The following RNF216 variants were observed in gnomAD, a reference collection of about 807,000 sequenced individuals.
RNF216 encodes ring finger protein 216.
In RNF216, 72 loss-of-function variants were observed where a neutral mutation model predicts 110.8. The ratio of observed to expected loss-of-function variants is 0.65; its 90% confidence interval spans 0.54 to 0.79. The LOEUF (loss-of-function observed/expected upper bound fraction) is 0.79. Among genes scored for constraint, RNF216 ranks in the 30% least tolerant of loss-of-function variants. The probability of loss-of-function intolerance (pLI) is 0.00; values close to 1 mark genes in which losing one functional copy is unlikely to be tolerated. For synonymous variants in RNF216, 495 were observed against 407.5 expected (o/e 1.21, Z -2.59); for missense variants, 1,342 against 1,141.2 (o/e 1.18, Z -2.54).
At chr7:5,737,946 G>C (rs1794523005) in intron 5 of RNF216, among the ~76,000 whole-genome samples, 1 of 151,908 alleles carries the variant, frequency 6.6e-6, no homozygotes, top group Admixed American at 6.6e-5. Flanking sequence ...AAATTAGCCG[G>C]ACAGGGTGGA....
intron 1 of RNF216, among the ~76,000 whole-genome samples, chr7:5,770,316 C>A (rs1409454041): frequency 6.6e-6 from 1 of 151,954 alleles, no homozygotes; most frequent in African/African-American, 2.4e-5. Flanking sequence ...ACAAAATTCA[C>A]CAGGCGTGGT....
At chr7:5,721,500 T>G (rs901545604) in intron 8 of RNF216, among the ~76,000 whole-genome samples, 1 of 152,246 alleles carries the variant, frequency 6.6e-6, no homozygotes, top group African/African-American at 2.4e-5. Flanking sequence ...TGTTTTGGGT[T>G]AATCTGAATA....
chr7:5,766,907 T>A (rs1337088877), intron 1 of RNF216: 1 of 152,246 alleles, frequency 6.6e-6, no homozygotes, highest in Non-Finnish European at 1.5e-5. Flanking sequence ...GATAGCTGTA[T>A]AATGATAATG....
intron 13 of RNF216, among the ~76,000 whole-genome samples, chr7:5,689,843 G>A (rs971395989): frequency 2.0e-5 from 3 of 151,976 alleles, no homozygotes; most frequent in Admixed American, 2.0e-4. Context: ...GGGAGGCTGA[G>A]GCAGGAGAAT....
At chr7:5,677,304 G>A (rs1196014588) in intron 13 of RNF216, among the ~76,000 whole-genome samples, 1 of 152,202 alleles carries the variant, frequency 6.6e-6, no homozygotes, top group African/African-American at 2.4e-5. Flanking sequence ...TACTGTATGG[G>A]TGGTCTGGGC....
chr7:5,658,600 T>G (rs1788894449), intron 13 of RNF216, among the ~76,000 whole-genome samples: 1 of 143,868 alleles, frequency 7.0e-6, no homozygotes, highest in African/African-American at 2.6e-5. Context: ...GAGGTTGCAG[T>G]GAGCTATGAT....
intron 1 of RNF216, among the ~76,000 whole-genome samples, chr7:5,771,679 C>A (rs575447335): frequency 6.6e-6 from 1 of 152,158 alleles, no homozygotes; most frequent in African/African-American, 2.4e-5. Context: ...GGCACCTAGT[C>A]CCAGCTACTC....
intron 13 of RNF216, among the ~76,000 whole-genome samples, chr7:5,675,486 A>T (rs546775524): frequency 6.7e-5 from 8 of 118,996 alleles, no homozygotes; most frequent in East Asian, 4.5e-4. Context: ...AAATAAATTT[A>T]AAAAAATTAG....
At chr7:5,672,855 C>T (rs1790009733) in intron 13 of RNF216, among the ~76,000 whole-genome samples, 1 of 152,102 alleles carries the variant, frequency 6.6e-6, no homozygotes, top group Admixed American at 6.5e-5. Context: ...CACAGGGACA[C>T]AGGCAGCACA....
At position 5,729,571 on chromosome 7, in the gene RNF216, T is replaced by C. The variant is rs1434111171; in HGVS notation, c.1250A>G (p.Tyr417Cys). The change falls in exon 7 of 17, where the codon TAT becomes TGT. Residue 417 changes from tyrosine (Y) to cysteine (C), a missense_variant. By Grantham distance (194) the Tyr-to-Cys change is radical. Coordinates refer to ENST00000389902, the MANE Select transcript of RNF216 (RefSeq NM_207111.4). ...TKLPKIDFFD[Y>C]SKLTPLDQRC... The stretch of plus-strand genomic sequence containing the variant: ...CTGGTCAAGAGGGGTCAATTTAGAA[T>C]AGTCAAAAAAGTCTATTTTAGGCAA... The C allele has an allele frequency of 1.9e-6, 3 of 1,614,048 alleles. No homozygotes were observed. The highest frequency in any genetic ancestry group is 2.5e-6 in the Non-Finnish European group (3 of 1,179,980).
chr7:5,646,729 T>G (rs1788073058), intron 14 of RNF216, among the ~76,000 whole-genome samples: 1 of 151,974 alleles, frequency 6.6e-6, no homozygotes. Context: ...GTAAAGACTA[T>G]TCCTTGTTAT....
intron 13 of RNF216, among the ~76,000 whole-genome samples, chr7:5,658,483 C>T (rs1373447200): frequency 1.3e-5 from 2 of 151,332 alleles, no homozygotes; most frequent in Non-Finnish European, 2.9e-5. Flanking sequence ...ATAGTGAGAC[C>T]CCATCTCTAC....
chr7:5,666,360 GT>G (rs1454439882), intron 13 of RNF216, among the ~76,000 whole-genome samples: 2 of 152,104 alleles, frequency 1.3e-5, no homozygotes, highest in African/African-American at 4.8e-5. Context: ...TAAACTGGTG[GT>G]CAGGGAAGGC....
intron 2 of RNF216, among the ~76,000 whole-genome samples, chr7:5,755,087 AAGG>A (rs1206588263): frequency 6.7e-6 from 1 of 149,672 alleles, no homozygotes. Flanking sequence ...AAAGGAAGGA[AAGG>A]AGAAGAGAGG....
At chr7:5,687,356 A>G (rs1791050683) in intron 13 of RNF216, among the ~76,000 whole-genome samples, 1 of 146,008 alleles carries the variant, frequency 6.8e-6, no homozygotes, top group Non-Finnish European at 1.5e-5. Flanking sequence ...AGACTGCGTC[A>G]CTGCTCCATC....
At chr7:5,705,094 TTCC>T (rs1038389002) in intron 13 of RNF216, among the ~76,000 whole-genome samples, 21 of 152,258 alleles carry the variant, frequency 1.4e-4, no homozygotes, top group African/African-American at 4.8e-4. Flanking sequence ...CTCCTCCTCT[TTCC>T]TCCTTTTGCT....
chr7:5,620,385 C>G lies in RNF216; in HGVS notation c.*2475G>C, dbSNP rs1258202725. The G allele has an allele frequency of 2.6e-5, 4 of 152,306 alleles. No individual in the cohort carries two copies. Among genetic ancestry groups the G allele is most frequent in the African/African-American group, 9.6e-5 (4 of 41,466 alleles). 9.4% of individuals were successfully genotyped at this position (152,306 alleles called of 1,614,324 possible). A position where few individuals can be genotyped will look rare whatever the true frequency, so the allele number is the denominator to read the frequency against. The stretch of plus-strand genomic sequence containing the variant: ...TGCCTCAGGGTTGCCTGTTGTCTGA[C>G]CTGCTCTCTGGGCACTGGCACGGCC... On this transcript the variant is annotated 3_prime_UTR_variant, in exon 17 of 17. Coordinates refer to ENST00000389902, the MANE Select transcript of RNF216 (RefSeq NM_207111.4).
At chr7:5,671,463 A>C (rs1222158677) in intron 13 of RNF216, among the ~76,000 whole-genome samples, 1 of 152,144 alleles carries the variant, frequency 6.6e-6, no homozygotes, top group Non-Finnish European at 1.5e-5. Flanking sequence ...GATTATATTA[A>C]ATGAGGCTGA....
chr7:5,773,588 G>C (rs1469712187), intron 1 of RNF216, among the ~76,000 whole-genome samples: 1 of 151,756 alleles, frequency 6.6e-6, no homozygotes, highest in African/African-American at 2.4e-5. Flanking sequence ...CAAATTTTGA[G>C]ACGGAATCTT....
Sources: allele counts gnomAD v4.1 joint callset (sites outside exome capture counted in the v4.1 genomes callset), GRCh38; gene constraint gnomAD v4.1.1; transcripts MANE v1.5; gene names NCBI Gene and HGNC (gene_info 2026-07-23, HGNC 2026-07-21).